The following ARID5A variants were observed in gnomAD, a reference collection of about 807,000 sequenced individuals.
ARID5A encodes AT-rich interactive domain-containing protein 5A.
In ARID5A, 14 loss-of-function variants were observed where a neutral mutation model predicts 30.5. The ratio of observed to expected loss-of-function variants is 0.46; its 90% CI spans 0.30 to 0.72. ARID5A has a LOEUF of 0.72. Among genes scored for constraint, ARID5A ranks in the 30% least tolerant of loss-of-function variants. ARID5A has a pLI of 0.07. For synonymous variants in ARID5A, 338 were observed against 340.4 expected (o/e 0.99, Z 0.08); for missense variants, 669 against 786.2 (o/e 0.85, Z 1.78).
intron 1 of ARID5A, chr2:96,538,139 T>C (rs528003812): frequency 2.0e-6 from 2 of 985,420 alleles, no homozygotes; most frequent in East Asian, 2.3e-4. Context: ...CCTCCGATAA[T>C]CTGCTTCTAC....
At chr2:96,536,947 G>C in intron 1 of ARID5A, 117 bp downstream of exon 1, 1 of 1,180,230 alleles carries the variant, frequency 8.5e-7, no homozygotes, top group Non-Finnish European at 1.1e-6. Context: ...GTGTGGGGCG[G>C]AGAGGGGCCC....
In ARID5A at chr2:96,540,876, G is replaced by A. The variant is rs186229830; in HGVS notation, c.4+4046G>A. On this transcript the variant is annotated intron_variant, in intron 1 of 6. Coordinates refer to ENST00000357485, the MANE Select transcript of ARID5A (RefSeq NM_212481.3). ...TTCTCCTGCCTCAGCCTCCCGAGTA[G>A]CTGGGATTATTGGCGTGTGCCACCA... Among the ~76,000 whole-genome samples the A allele has an allele frequency of 3.9e-5, 6 of 152,046 alleles. No individual in the cohort carries two copies. The East Asian group carries it at 9.7e-4, about 24-fold the overall frequency.
intron 1 of ARID5A, chr2:96,538,189 C>A: frequency 1.0e-6 from 1 of 985,442 alleles, no homozygotes; most frequent in Non-Finnish European, 1.2e-6. Context: ...GCCTCTGCCC[C>A]GTAGGTGAAA....
rs550359688 is a variant in ARID5A, at chr2:96,539,155, T to A, written c.4+2325T>A. On this transcript the variant is annotated intron_variant, in intron 1 of 6. Transcript: ENST00000357485. The surrounding 1 kb of genome is among the most constrained non-coding windows in gnomAD (Gnocchi z 4.7). ...GGGGAAGCCTCCTTTCTCTTCTCACTTTTTTCTGCTGAGAACATTGGGCAC... is the reference window on the plus strand; with the variant it reads ...GGGGAAGCCTCCTTTCTCTTCTCACATTTTTCTGCTGAGAACATTGGGCAC... 3.3e-5 allele frequency among the ~76,000 whole-genome samples: 5 copies of A among 152,238 alleles called. No homozygotes were observed. In the East Asian group the frequency reaches 9.7e-4, roughly 29 times the overall value.
Position 96,547,398 on chromosome 2 carries a change from G to T in ARID5A, c.5-4G>T. 6.2e-7 allele frequency: 1 copy of T among 1,613,046 alleles called. No homozygotes were observed. ...CTCCTTACTCCTTCCCTCTCTCCTTGCAGCAGCCCCTGTCAAAGGGAACAG... is the reference window on the plus strand; with the variant it reads ...CTCCTTACTCCTTCCCTCTCTCCTTTCAGCAGCCCCTGTCAAAGGGAACAG... On this transcript the variant is annotated splice_region_variant and splice_polypyrimidine_tract_variant and intron_variant, in intron 1 of 6. Coordinates refer to ENST00000357485, the MANE Select transcript of ARID5A (RefSeq NM_212481.3).
chr2:96,548,569 T>A (rs1321082140), intron 2 of ARID5A, among the ~76,000 whole-genome samples: 1 of 152,178 alleles, frequency 6.6e-6, no homozygotes, highest in Non-Finnish European at 1.5e-5. Flanking sequence ...CGTGCCCAGC[T>A]GGATCAAATA....
chr2:96,552,628 G>A lies in ARID5A; in HGVS notation c.*315G>A, dbSNP rs772693379. 8.6e-6 allele frequency: 12 copies of A among 1,396,880 alleles called. No homozygotes were observed. Among genetic ancestry groups the A allele is most frequent in the Non-Finnish European group, 1.1e-5 (12 of 1,068,124 alleles). The allele number at this position is 1,396,880 out of a possible 1,614,324, so 86.5% of individuals were successfully genotyped here. A position where few individuals can be genotyped will look rare whatever the true frequency, so the allele number is the denominator to read the frequency against. On this transcript the variant is annotated 3_prime_UTR_variant, in exon 7 of 7. Transcript: ENST00000357485. Reference sequence around the variant, plus strand: ...AAATCCAATAAAAAGACACCAGTGTGAATCCACGTAGCCCTGAGGTGTGTG... The same window carrying A: ...AAATCCAATAAAAAGACACCAGTGTAAATCCACGTAGCCCTGAGGTGTGTG...
rs1459184974 is a variant in ARID5A at position 96,550,379 on chromosome 2, G to T, written c.410+94G>T. 10 of 1,428,608 alleles carry T rather than the reference G, an allele frequency of 7.0e-6. No homozygotes were observed. Among genetic ancestry groups the T allele is most frequent in the Middle Eastern group, 2.6e-4 (1 of 3,886 alleles). The allele number at this position is 1,428,608 out of a possible 1,614,324, so 88.5% of individuals were successfully genotyped here. The stretch of plus-strand genomic sequence containing the variant: ...GGGCCGGGTGGACTCTGCCCGGAGC[G>T]GGCAGGGTATGCGCCGTCCTCAGAG... On this transcript the variant is annotated intron_variant, in intron 5 of 6. Coordinates refer to ENST00000357485, the MANE Select transcript of ARID5A (RefSeq NM_212481.3). The surrounding 1 kb of genome is among the most constrained non-coding windows in gnomAD (Gnocchi z 6.6).
intron 1 of ARID5A, among the ~76,000 whole-genome samples, chr2:96,543,643 C>T (rs1463462345): frequency 2.6e-5 from 4 of 152,138 alleles, no homozygotes; most frequent in African/African-American, 9.7e-5. Context: ...CCTCCACCTG[C>T]TCCATCGACC....
intron 1 of ARID5A, 89 bp downstream of exon 1, chr2:96,536,919 C>A: frequency 1.6e-6 from 2 of 1,217,294 alleles, no homozygotes; most frequent in South Asian, 8.3e-5. Flanking sequence ...CTCCAGCCCT[C>A]GTGGCAGTCG....
chr2:96,542,498 T>A (rs1290235936), intron 1 of ARID5A, among the ~76,000 whole-genome samples: 1 of 152,120 alleles, frequency 6.6e-6, no homozygotes, highest in African/African-American at 2.4e-5. Context: ...CAGGCAGAGC[T>A]TGCAAACTCT....
In ARID5A at chr2:96,549,525, G is replaced by A. The variant is rs2065988758; in HGVS notation, c.259+66G>A. On this transcript the variant is annotated intron_variant, in intron 3 of 6. Transcript: ENST00000357485. The surrounding 1 kb of genome is among the most constrained non-coding windows in gnomAD (Gnocchi z 6.1). The stretch of plus-strand genomic sequence containing the variant: ...GGGACCCCGCCCAGGCAGGGCATCG[G>A]GCAGGCACTCCCACTCTGGGTGACC... The A allele has an allele frequency of 1.1e-5, 18 of 1,583,286 alleles. No individual in the cohort carries two copies. The Admixed American group carries it at 2.7e-4, about 23-fold the overall frequency.
rs761347575 is a variant in ARID5A, at chr2:96,552,283, C to G, written c.1755C>G (p.Pro585=). 3 of 1,613,108 alleles carry G rather than the reference C, an allele frequency of 1.9e-6. No homozygotes were observed. ...CACCAGTCACAACCTATGCAGCGCC[C>G]CACTTCTTCCACCTCAACACCAAGC... is the stretch of plus-strand genomic sequence containing the variant. ...HAPPVTTYAA[P]HFFHLNTKL is the part of the protein sequence containing the mutation. The change falls in exon 7 of 7, where the codon CCC becomes CCG. Residue 585 remains proline, a synonymous_variant. Transcript: ENST00000357485.
intron 1 of ARID5A, among the ~76,000 whole-genome samples, chr2:96,540,811 T>A (rs1471836257): frequency 6.6e-6 from 1 of 152,096 alleles, no homozygotes; most frequent in Non-Finnish European, 1.5e-5. Flanking sequence ...AGTGGCCTAA[T>A]CTCAGCTCAC....
In ARID5A at chr2:96,550,029, T is replaced by C; in HGVS notation, c.313-159T>C. Reference sequence around the variant, plus strand: ...TTGGGAAAACTGCTTGGGCCAGCAGTCCATGGCCCTAGGAGAGAGAATCGG... The same window carrying C: ...TTGGGAAAACTGCTTGGGCCAGCAGCCCATGGCCCTAGGAGAGAGAATCGG... On this transcript the variant is annotated intron_variant, in intron 4 of 6. Transcript: ENST00000357485. This position sits in a 1 kb window ranked among gnomAD's most constrained non-coding sequence, Gnocchi z 6.6. 1 of 1,533,610 alleles carries C rather than the reference T, an allele frequency of 6.5e-7. No homozygotes were observed. The highest frequency in any genetic ancestry group is 8.7e-7 in the Non-Finnish European group (1 of 1,146,356).
chr2:96,545,394 T>C (rs867605341), intron 1 of ARID5A, among the ~76,000 whole-genome samples: 10 of 151,972 alleles, frequency 6.6e-5, no homozygotes, highest in Non-Finnish European at 1.5e-4. Context: ...TGACCTCAGG[T>C]GATCCACCCA....
chr2:96,550,578 G>C lies in ARID5A; in HGVS notation c.415G>C (p.Val139Leu). The change falls in exon 6 of 7, where the codon GTC becomes CTC. Residue 139 changes from valine (V) to leucine (L), a missense_variant. Val to Leu is a conservative substitution (Grantham distance 32, BLOSUM62 1). Around this residue, in one of 4 missense-constraint regions of ARID5A, gnomAD observed 64 missense variants for 119.7 expected, o/e 0.53. Transcript: ENST00000357485. The surrounding 1 kb of genome is among the most constrained non-coding windows in gnomAD (Gnocchi z 6.6). ...ACATGCGTGGTTCCTCACCAGGCTG[G>C]TCCTGCCATACGTGCGGCACCTGAA... Reference protein sequence around the residue: ...TCTRRHYERLVLPYVRHLKGE... With the variant: ...TCTRRHYERLLLPYVRHLKGE... The C allele has an allele frequency of 6.3e-7, 1 of 1,597,728 alleles. No homozygotes were observed. The highest frequency in any genetic ancestry group is 8.5e-7 in the Non-Finnish European group (1 of 1,173,354).
chr2:96,549,671 C>T lies in ARID5A; in HGVS notation c.260-82C>T, dbSNP rs1175292229. The T allele has an allele frequency of 1.3e-6, 2 of 1,597,654 alleles. No homozygotes were observed. Among genetic ancestry groups the T allele is most frequent in the African/African-American group, 1.3e-5 (1 of 74,676 alleles). ...GGGTGTGTGCTGGTCTGTGCCTGGC[C>T]TGTCAGGGCACCAGGAAGGGGTGGC... On this transcript the variant is annotated intron_variant, in intron 3 of 6. Transcript: ENST00000357485. This position sits in a 1 kb window ranked among gnomAD's most constrained non-coding sequence, Gnocchi z 6.1.
In ARID5A at chr2:96,552,213, C is replaced by A. The variant is rs1213495074; in HGVS notation, c.1685C>A (p.Ala562Asp). The A allele has an allele frequency of 6.2e-7, 1 of 1,613,348 alleles. No individual in the cohort carries two copies. The highest frequency in any genetic ancestry group is 1.3e-5 in the African/African-American group (1 of 74,958). ...MHFPPTSFDS[A>D]LRHRLCPASS... Reference sequence around the variant, plus strand: ...TTCCCCCCAACGTCCTTCGACAGTGCCCTCCGCCACAGACTTTGCCCGGCC... The same window carrying A: ...TTCCCCCCAACGTCCTTCGACAGTGACCTCCGCCACAGACTTTGCCCGGCC... The change falls in exon 7 of 7, where the codon GCC becomes GAC. Residue 562 changes from alanine to aspartate, a missense_variant. By Grantham distance (126) the Ala-to-Asp change is moderately radical. Transcript: ENST00000357485.
Sources: allele counts gnomAD v4.1 joint callset (sites outside exome capture counted in the v4.1 genomes callset), GRCh38; gene constraint gnomAD v4.1.1; regional missense constraint gnomAD v4.1.1; non-coding constraint Gnocchi (gnomAD v3.1); transcripts MANE v1.5; gene names NCBI Gene and HGNC (gene_info 2026-07-23, HGNC 2026-07-21).